NECAB2: variants seen among roughly 807,000 people sequenced by gnomAD.
NECAB2 encodes the protein N-terminal EF-hand calcium binding protein 2, also known as N-terminal EF-hand calcium-binding protein 2.
In NECAB2, 68 loss-of-function variants were observed where a neutral mutation model predicts 51.9. That is an observed-to-expected ratio of 1.31 (90% confidence interval 1.08 to 1.60). The LOEUF (loss-of-function observed/expected upper bound fraction) is 1.60, where lower values mean the gene tolerates loss of function less well. Among genes scored for constraint, NECAB2 ranks in the 40% most tolerant of loss-of-function variants. The pLI, the probability that NECAB2 is intolerant of heterozygous loss-of-function variation, is 0.00. For missense variants in NECAB2, 854 were observed against 490.3 expected, an observed-to-expected ratio of 1.74 and a Z score of -7.00; for synonymous variants, 329 against 203.5, an observed-to-expected ratio of 1.62 and a Z score of -5.25.
chr16:83,971,670 T>G (rs1262754883), intron 1 of NECAB2: 2 of 170,584 alleles, frequency 1.2e-5, no homozygotes, highest in Non-Finnish European at 2.5e-5. Flanking sequence ...GTGGCTGGCA[T>G]TGTCACCAGG....
chr16:83,997,533 G>A (rs1248369936), intron 9 of NECAB2, among the ~76,000 whole-genome samples: 1 of 130,946 alleles, frequency 7.6e-6, no homozygotes, highest in Non-Finnish European at 1.6e-5. Context: ...TATCTCCCAG[G>A]CTGGAGTGCA....
intron 2 of NECAB2, among the ~76,000 whole-genome samples, chr16:83,974,966 ACAGGTGTGCAGGGAGGTG>A (rs2084390286): frequency 9.8e-6 from 1 of 102,120 alleles, no homozygotes; most frequent in African/African-American, 5.9e-5. Flanking sequence ...AGGGATGGGA[ACAGGTGTGCAGGGAGGTG>A]TGGGTGCGGG....
chr16:83,990,206 C>A (rs766422668), intron 5 of NECAB2, among the ~76,000 whole-genome samples: 1 of 152,184 alleles, frequency 6.6e-6, no homozygotes. Flanking sequence ...GTTTAATCTT[C>A]GCTACAACCT....
chr16:83,970,176 C>G (rs970989386), intron 1 of NECAB2, among the ~76,000 whole-genome samples: 4 of 152,094 alleles, frequency 2.6e-5, no homozygotes, highest in African/African-American at 7.2e-5. Context: ...GGTTCCATCT[C>G]CTCACCTGCC....
intron 8 of NECAB2, among the ~76,000 whole-genome samples, chr16:83,994,908 A>G (rs2084676188): frequency 6.6e-6 from 1 of 152,150 alleles, no homozygotes; most frequent in Admixed American, 6.5e-5. Flanking sequence ...GCCTGGGAAG[A>G]GAGAGTGTTG....
chr16:83,980,331 T>C (rs746637520), intron 3 of NECAB2, among the ~76,000 whole-genome samples: 2 of 152,242 alleles, frequency 1.3e-5, no homozygotes, highest in Non-Finnish European at 2.9e-5. Flanking sequence ...ATGCTCAGCC[T>C]GCTCCCCCAA....
chr16:83,997,106 G>C (rs897316932), intron 8 of NECAB2, 110 bp from the exon 9 acceptor site: 3 of 1,309,796 alleles, frequency 2.3e-6, no homozygotes, highest in Admixed American at 1.8e-5. Flanking sequence ...CTGTGCAACA[G>C]GGCCGGGTCC....
At chr16:84,002,052 G>A (rs911262294) in intron 12 of NECAB2, 136 bp downstream of exon 12, 7 of 1,125,982 alleles carry the variant, frequency 6.2e-6, no homozygotes, top group African/African-American at 1.6e-5. Flanking sequence ...CCAATGCCAG[G>A]CTCAGAGCCA....
chr16:83,985,549 C>G (rs1287723044), intron 5 of NECAB2, among the ~76,000 whole-genome samples: 1 of 151,254 alleles, frequency 6.6e-6, no homozygotes, highest in Non-Finnish European at 1.5e-5. Context: ...AGGAGAATGA[C>G]TTGAACCCGG....
Position 83,979,885 on chromosome 16 carries a change from T to C in NECAB2, c.336-954T>C, listed in dbSNP as rs563698462. ...CCCTTGGGATGCTAAATAGACTTTG[T>C]GCCCAAAACAGTGTACAAACCATCA... is the stretch of plus-strand genomic sequence containing the variant. On this transcript the variant is annotated intron_variant, in intron 3 of 12. Transcript: ENST00000305202. 1.4e-4 allele frequency among the ~76,000 whole-genome samples: 22 copies of C among 152,298 alleles called. No homozygotes were observed. The South Asian group carries it at 3.5e-3, about 24-fold the overall frequency.
intron 2 of NECAB2, 116 bp downstream of exon 2, chr16:83,972,291 G>C (rs2084358329): frequency 6.8e-7 from 1 of 1,466,068 alleles, no homozygotes; most frequent in Non-Finnish European, 9.4e-7. Context: ...TTGGAGTGCA[G>C]GGGTCTGAAG....
At chr16:83,965,865 C>A, upstream of NECAB2, 4 of 1,612,976 alleles carry the variant, frequency 2.5e-6, no homozygotes, top group Non-Finnish European at 3.4e-6. Flanking sequence ...GACGTGGACC[C>A]CTTCACCTAC....
At chr16:83,998,144 G>T in intron 9 of NECAB2, 61 bp from the exon 10 acceptor site, 1 of 1,476,422 alleles carries the variant, frequency 6.8e-7, no homozygotes, top group East Asian at 2.3e-5. Context: ...GGGGCCTGAT[G>T]GGGTGTTTAG....
At chr16:83,997,784 C>A (rs1041110088) in intron 9 of NECAB2, among the ~76,000 whole-genome samples, 1 of 152,172 alleles carries the variant, frequency 6.6e-6, no homozygotes, top group Non-Finnish European at 1.5e-5. Context: ...TGAGCCACCA[C>A]ACCTGGCCCA....
intron 2 of NECAB2, among the ~76,000 whole-genome samples, chr16:83,974,659 G>A (rs981524917): frequency 6.6e-6 from 1 of 152,202 alleles, no homozygotes; most frequent in African/African-American, 2.4e-5. Flanking sequence ...GATGGCACGT[G>A]ATATTCTTCA....
intron 5 of NECAB2, among the ~76,000 whole-genome samples, chr16:83,986,161 C>A (rs989779168): frequency 6.6e-6 from 1 of 152,074 alleles, no homozygotes; most frequent in Non-Finnish European, 1.5e-5. Context: ...GGATTACAGG[C>A]GTGCACCACC....
At chr16:83,974,492 A>G (rs950862852) in intron 2 of NECAB2, among the ~76,000 whole-genome samples, 7 of 152,144 alleles carry the variant, frequency 4.6e-5, no homozygotes, top group African/African-American at 1.7e-4. Context: ...TGTGCTCAGC[A>G]GGGAATTCGG....
At chr16:83,981,447 C>T (rs2084488114) in intron 5 of NECAB2, among the ~76,000 whole-genome samples, 1 of 91,480 alleles carries the variant, frequency 1.1e-5, no homozygotes, top group South Asian at 3.7e-4. Context: ...TCAGGGTGGG[C>T]TTACAAGACT....
intron 5 of NECAB2, among the ~76,000 whole-genome samples, chr16:83,988,199 A>G (rs1439722246): frequency 6.6e-6 from 1 of 151,870 alleles, no homozygotes; most frequent in Non-Finnish European, 1.5e-5. Context: ...CACCTTTTTT[A>G]TTATGATTGC....
Sources: gnomAD v4.1 joint callset for allele counts (sites outside exome capture counted in the v4.1 genomes callset) on GRCh38, gnomAD v4.1.1 for gene constraint, MANE v1.5 for transcripts, NCBI Gene and HGNC (gene_info 2026-07-23, HGNC 2026-07-21) for gene names.